Variants in SLC2A1 observed in about 807,000 individuals in gnomAD.
SLC2A1 encodes the protein solute carrier family 2 member 1.
In SLC2A1, 4 loss-of-function variants were observed where a neutral mutation model predicts 46.6. The ratio of observed to expected loss-of-function variants is 0.09; its 90% CI spans 0.04 to 0.20. The LOEUF (loss-of-function observed/expected upper bound fraction) is 0.20, where lower values mean the gene tolerates loss of function less well. SLC2A1 is among the 10% of genes least tolerant of loss of function. The pLI is 1.00. For synonymous variants in SLC2A1, 253 were observed against 270.0 expected (o/e 0.94, Z 0.62); for missense variants, 352 against 667.0 (o/e 0.53, Z 5.20).
chr1:42,926,469 TG>T lies in SLC2A1; in HGVS notation c.*571del. 1 of 252,950 alleles carries T rather than the reference TG, an allele frequency of 4.0e-6. No individual in the cohort carries two copies. The highest frequency in any genetic ancestry group is 4.5e-5 in the South Asian group (1 of 22,162). 15.7% of individuals were successfully genotyped at this position (252,950 alleles called of 1,614,324 possible). A position where few individuals can be genotyped will look rare whatever the true frequency, so the allele number is the denominator to read the frequency against. On this transcript the variant is annotated 3_prime_UTR_variant, in exon 10 of 10. Coordinates refer to ENST00000426263, the MANE Select transcript of SLC2A1 (RefSeq NM_006516.4). The stretch of plus-strand genomic sequence containing the variant: ...CTCCCTGCACTCCAGTGCTCCCAAC[TG>T]GTCTCAGGTAAAGAAAGATTAATTT...
chr1:42,941,067 C>CT (rs1643592889), intron 2 of SLC2A1, among the ~76,000 whole-genome samples: 1 of 152,220 alleles, frequency 6.6e-6, no homozygotes, highest in Non-Finnish European at 1.5e-5. Flanking sequence ...CATTCTTCCT[C>CT]TGAGGGTTTG....
At position 42,930,783 on chromosome 1, in the gene SLC2A1, T is replaced by C; in HGVS notation, c.359A>G (p.Glu120Gly). The C allele has an allele frequency of 6.2e-7, 1 of 1,603,184 alleles. No individual in the cohort carries two copies. The highest frequency in any genetic ancestry group is 8.5e-7 in the Non-Finnish European group (1 of 1,179,936). The change falls in exon 4 of 10, where the codon GAG (glutamate) becomes GGG (glycine). Residue 120 changes from glutamate (E) to glycine (G), a missense_variant. This residue lies in a region of SLC2A1 where 97 missense variants were observed against 175.6 expected (regional missense o/e 0.55). Coordinates refer to ENST00000426263, the MANE Select transcript of SLC2A1 (RefSeq NM_006516.4). This position sits in a 1 kb window ranked among gnomAD's most constrained non-coding sequence, Gnocchi z 6.2. ...GATGAAGCGGCCCAGGATCAGCATC[T>C]CAAAGGACTTGCCCAGTTTCGAGAA... ...MGFSKLGKSF[E>G]MLILGRFIIG...
At position 42,946,524 on chromosome 1, in the gene SLC2A1, G is replaced by C. The variant is rs544322388; in HGVS notation, c.19-3203C>G. ...TGAGGCACTGTGAGAACCCTGGAGG[G>C]AAAGATTTCCAGTTTTGCCTGGGTA... On this transcript the variant is annotated intron_variant, in intron 1 of 9. Transcript: ENST00000426263. 6.4e-4 allele frequency among the ~76,000 whole-genome samples: 97 copies of C among 152,192 alleles called. 2 individuals carry two copies. Among genetic ancestry groups the C allele is most frequent in the Non-Finnish European group, 1.6e-4 (11 of 68,034 alleles).
intron 2 of SLC2A1, among the ~76,000 whole-genome samples, chr1:42,938,954 A>T (rs1643569751): frequency 6.6e-6 from 1 of 152,190 alleles, no homozygotes; most frequent in Non-Finnish European, 1.5e-5. Context: ...ACTGCTGTGG[A>T]GACAGGGCCT....
chr1:42,947,209 A>G (rs1172369401), intron 1 of SLC2A1, among the ~76,000 whole-genome samples: 1 of 152,178 alleles, frequency 6.6e-6, no homozygotes, highest in Non-Finnish European at 1.5e-5. Context: ...GTGATGACTT[A>G]GAGAAGGGTA....
intron 1 of SLC2A1, 39 bp downstream of exon 1, chr1:42,958,595 T>C: frequency 6.6e-7 from 1 of 1,514,130 alleles, no homozygotes; most frequent in African/African-American, 1.4e-5. Context: ...AGTCTGCGCC[T>C]TTGTTCCTGG....
rs1315769039 is a variant in SLC2A1, at chr1:42,932,378, C to T, written c.115-1172G>A. On this transcript the variant is annotated intron_variant, in intron 2 of 9. Coordinates refer to ENST00000426263, the MANE Select transcript of SLC2A1 (RefSeq NM_006516.4). Reference sequence around the variant, plus strand: ...CATGGGACTGGCCAGACCCACCCAGCCACACGTATAGCAGAGTGCAGGCCC... The same window carrying T: ...CATGGGACTGGCCAGACCCACCCAGTCACACGTATAGCAGAGTGCAGGCCC... 3.9e-5 allele frequency among the ~76,000 whole-genome samples: 6 copies of T among 152,206 alleles called. No individual in the cohort carries two copies. The South Asian group carries it at 6.2e-4, about 16-fold the overall frequency.
At position 42,927,137 on chromosome 1, in the gene SLC2A1, A is replaced by T; in HGVS notation, c.1383T>A (p.Asp461Glu). 1 of 1,610,154 alleles carries T rather than the reference A, an allele frequency of 6.2e-7. No individual in the cohort carries two copies. Among genetic ancestry groups the T allele is most frequent in the Non-Finnish European group, 8.5e-7 (1 of 1,176,398 alleles). ...KVPETKGRTF[D>E]EIASGFRQGG... is the part of the protein sequence containing the mutation. ...CCTGCCGGAAGCCGGAAGCGATCTC[A>T]TCGAAGGTCCGGCCTTTAGTCTCAG... Residue 461 changes from aspartate (D) to glutamate (E), a missense_variant, in exon 10 of 10, where the codon GAT (aspartate) becomes GAA (glutamate). Asp to Glu is a conservative substitution (Grantham distance 45). Coordinates refer to ENST00000426263, the MANE Select transcript of SLC2A1 (RefSeq NM_006516.4). The surrounding 1 kb of genome is among the most constrained non-coding windows in gnomAD (Gnocchi z 5.3).
intron 1 of SLC2A1, among the ~76,000 whole-genome samples, chr1:42,950,900 G>A (rs773132449): frequency 7.2e-5 from 11 of 152,264 alleles, no homozygotes; most frequent in Admixed American, 2.0e-4. Flanking sequence ...ACTTGAACCC[G>A]GGAGGCAGAG....
rs1643438714 is a variant in SLC2A1 at position 42,927,427 on chromosome 1, T to C, written c.1278+178A>G. ...AATGTAACAGGCTCCAGGAGCACCATTCAAGGCTAAGGGGAGAACCCTGGA... is the reference window on the plus strand; with the variant it reads ...AATGTAACAGGCTCCAGGAGCACCACTCAAGGCTAAGGGGAGAACCCTGGA... On this transcript the variant is annotated intron_variant, in intron 9 of 9. Coordinates refer to ENST00000426263, the MANE Select transcript of SLC2A1 (RefSeq NM_006516.4). This position sits in a 1 kb window ranked among gnomAD's most constrained non-coding sequence, Gnocchi z 5.3. Among the ~76,000 whole-genome samples, 1 of 152,196 alleles carries C rather than the reference T, an allele frequency of 6.6e-6. No homozygotes were observed. Among genetic ancestry groups the C allele is most frequent in the South Asian group, 2.1e-4 (1 of 4,836 alleles).
intron 1 of SLC2A1, among the ~76,000 whole-genome samples, chr1:42,957,544 A>G (rs2124477219): frequency 6.6e-6 from 1 of 152,306 alleles, no homozygotes; most frequent in South Asian, 2.1e-4. Flanking sequence ...AAATCAAAGT[A>G]TAATAGATAA....
intron 1 of SLC2A1, among the ~76,000 whole-genome samples, chr1:42,956,588 A>AAAAT (rs978475619): frequency 6.6e-6 from 1 of 152,084 alleles, no homozygotes; most frequent in Non-Finnish European, 1.5e-5. Context: ...TCCGTCTCAA[A>AAAAT]AAATAAATAA....
chr1:42,931,439 C>T (rs961456395), intron 2 of SLC2A1, among the ~76,000 whole-genome samples: 3 of 152,208 alleles, frequency 2.0e-5, no homozygotes, highest in Non-Finnish European at 4.4e-5. Context: ...CTTCCCCTAA[C>T]GTGTGGTTTC....
rs748029483 is a variant in SLC2A1, at chr1:42,931,093, G to A, written c.228C>T (p.Gly76=). ...SLSVAIFSVG[G]MIGSFSVGLF... is the part of the protein sequence containing the mutation. ...GGCCCACAGAGAAGGAGCCAATCAT[G>A]CCCCCAACAGAAAAGATGGCCACTG... The change falls in exon 3 of 10, where the codon GGC becomes GGT. Residue 76 remains glycine, a synonymous_variant. Coordinates refer to ENST00000426263, the MANE Select transcript of SLC2A1 (RefSeq NM_006516.4). 1.2e-6 allele frequency: 2 copies of A among 1,614,166 alleles called. No individual in the cohort carries two copies. Among genetic ancestry groups the A allele is most frequent in the South Asian group, 1.1e-5 (1 of 91,074 alleles).
intron 2 of SLC2A1, among the ~76,000 whole-genome samples, chr1:42,942,562 AC>A (rs1643608173): frequency 6.8e-6 from 1 of 146,790 alleles, no homozygotes; most frequent in Non-Finnish European, 1.5e-5. Context: ...ACAGACCTTC[AC>A]CCCCTGTGGC....
At chr1:42,950,104 A>C (rs1382123863) in intron 1 of SLC2A1, among the ~76,000 whole-genome samples, 2 of 152,338 alleles carry the variant, frequency 1.3e-5, no homozygotes, top group Admixed American at 6.5e-5. Context: ...TGAGTTTTAC[A>C]TTTTTAAGTA....
intron 2 of SLC2A1, among the ~76,000 whole-genome samples, chr1:42,932,603 GCA>G (rs1293328881): frequency 1.3e-5 from 2 of 151,916 alleles, no homozygotes; most frequent in Non-Finnish European, 2.9e-5. Flanking sequence ...ACAGGTTCAT[GCA>G]CACACAGCGG....
At chr1:42,941,266 C>T (rs1002269669) in intron 2 of SLC2A1, among the ~76,000 whole-genome samples, 6 of 152,156 alleles carry the variant, frequency 3.9e-5, no homozygotes, top group East Asian at 1.9e-4. Flanking sequence ...GCTGGGCCCC[C>T]GTGCTGGTGC....
chr1:42,930,099 A>C lies in SLC2A1; in HGVS notation c.517-64T>G. Reference sequence around the variant, plus strand: ...CCCCTTTCCCACCCCGTCCTGCCAGAGTGGCCTTCCCTACTTTGTGTCAGC... The same window carrying C: ...CCCCTTTCCCACCCCGTCCTGCCAGCGTGGCCTTCCCTACTTTGTGTCAGC... On this transcript the variant is annotated intron_variant, in intron 4 of 9. Transcript: ENST00000426263. This position sits in a 1 kb window ranked among gnomAD's most constrained non-coding sequence, Gnocchi z 6.2. 6.3e-7 allele frequency: 1 copy of C among 1,585,280 alleles called. No individual in the cohort carries two copies. Among genetic ancestry groups the C allele is most frequent in the Non-Finnish European group, 8.6e-7 (1 of 1,159,878 alleles).
Sources: gnomAD v4.1 joint callset for allele counts (sites outside exome capture counted in the v4.1 genomes callset) on GRCh38, gnomAD v4.1.1 for gene constraint, gnomAD v4.1.1 regional missense constraint, Gnocchi (gnomAD v3.1) non-coding constraint, MANE v1.5 for transcripts, NCBI Gene and HGNC (gene_info 2026-07-23, HGNC 2026-07-21) for gene names.